The following DMTN variants were observed in gnomAD, a reference collection of about 807,000 sequenced individuals.
The protein encoded by DMTN is dematin actin binding protein.
Under a neutral mutation model 59.4 loss-of-function variants are expected in DMTN, and 27 were observed. The observed-to-expected ratio is 0.45, with a 90% CI of 0.33 to 0.63. The LOEUF is 0.63. Among genes scored for constraint, DMTN ranks in the 20% least tolerant of loss-of-function variants. The pLI, the probability that DMTN is intolerant of heterozygous loss-of-function variation, is 0.02. For synonymous variants in DMTN, 221 were observed against 203.7 expected (o/e 1.08, Z -0.72); for missense variants, 451 against 528.9 (o/e 0.85, Z 1.45).
rs778177714 is a variant in DMTN at position 22,067,143 on chromosome 8, C to T, written c.77C>T (p.Ser26Phe). 29 of 1,608,834 alleles carry T rather than the reference C, an allele frequency of 1.8e-5. No individual in the cohort carries two copies. The highest frequency in any genetic ancestry group is 2.3e-5 in the Non-Finnish European group (27 of 1,177,940). Reference sequence around the variant, plus strand: ...TCCCGAGATTCCAGTGTGCCTGGCTCTCCCTCCAGCATCGTGGTGAGTACC... The same window carrying T: ...TCCCGAGATTCCAGTGTGCCTGGCTTTCCCTCCAGCATCGTGGTGAGTACC... ...SPSRDSSVPG[S>F]PSSIVAKMDN... The change falls in exon 3 of 16, where the codon TCT (serine) becomes TTT (phenylalanine). Residue 26 changes from serine (S) to phenylalanine (F), a missense_variant. Coordinates refer to ENST00000358242, the MANE Select transcript of DMTN (RefSeq NM_001387751.1).
chr8:22,066,072 G>A (rs1810408352), intron 1 of DMTN, among the ~76,000 whole-genome samples: 1 of 152,114 alleles, frequency 6.6e-6, no homozygotes, highest in Admixed American at 6.5e-5. Flanking sequence ...TCGAACGCCT[G>A]GGTTCAAGCA....
At chr8:22,069,860 C>T in intron 6 of DMTN, 21 bp from the exon 7 acceptor site, 3 of 1,613,656 alleles carry the variant, frequency 1.9e-6, no homozygotes, top group Non-Finnish European at 2.5e-6. Flanking sequence ...TCCTCCTCCT[C>T]ATCTGTTCTT....
intron 10 of DMTN, among the ~76,000 whole-genome samples, chr8:22,078,900 C>A (rs1821817104): frequency 7.1e-6 from 1 of 141,720 alleles, no homozygotes; most frequent in South Asian, 2.3e-4. Context: ...AGGTTCACGC[C>A]ATTCTCCTGC....
intron 1 of DMTN, among the ~76,000 whole-genome samples, chr8:22,057,534 G>T (rs1803348233): frequency 6.6e-6 from 1 of 152,210 alleles, no homozygotes; most frequent in Admixed American, 6.5e-5. Context: ...ATGCTCTGGG[G>T]GTTGGAGCAG....
In DMTN at chr8:22,082,229, G is replaced by A. The variant is rs769437571; in HGVS notation, c.*766G>A. 2.2e-6 allele frequency: 1 copy of A among 456,862 alleles called. No individual in the cohort carries two copies. The allele number at this position is 456,862 out of a possible 1,614,324, so 28.3% of individuals were successfully genotyped here. On this transcript the variant is annotated 3_prime_UTR_variant, in exon 16 of 16. Transcript: ENST00000358242. ...CAAGAGGCCAGGCCTGGCACATTTTGGAGTGTCCTGGCTACCAGCTCTCAC... is the reference window on the plus strand; with the variant it reads ...CAAGAGGCCAGGCCTGGCACATTTTAGAGTGTCCTGGCTACCAGCTCTCAC...
At position 22,081,670 on chromosome 8, in the gene DMTN, C is replaced by A; in HGVS notation, c.*207C>A. The stretch of plus-strand genomic sequence containing the variant: ...GGCTGGGGGCCTCCTGCTCTCGTCC[C>A]TGGCCCTCCCTGCACAGGGCAAAGC... On this transcript the variant is annotated 3_prime_UTR_variant, in exon 16 of 16. Coordinates refer to ENST00000358242, the MANE Select transcript of DMTN (RefSeq NM_001387751.1). 1.7e-6 allele frequency: 1 copy of A among 602,004 alleles called. No homozygotes were observed. Among genetic ancestry groups the A allele is most frequent in the Non-Finnish European group, 3.0e-6 (1 of 336,088 alleles). The allele number at this position is 602,004 out of a possible 1,614,324, so 37.3% of individuals were successfully genotyped here.
At position 22,056,965 on chromosome 8, in the gene DMTN, A is replaced by G. The variant is rs1430705315; in HGVS notation, c.-343A>G. On this transcript the variant is annotated 5_prime_UTR_variant, in exon 1 of 16. Coordinates refer to ENST00000358242, the MANE Select transcript of DMTN (RefSeq NM_001387751.1). ...TCGCCAGCTCCCACCCCGCCCACCCACCCTAAGCCGGCATTTTTCCTGTTA... is the reference window on the plus strand; with the variant it reads ...TCGCCAGCTCCCACCCCGCCCACCCGCCCTAAGCCGGCATTTTTCCTGTTA... 1.7e-5 allele frequency: 1 copy of G among 59,016 alleles called. No individual in the cohort carries two copies. The highest frequency in any genetic ancestry group is 3.5e-5 in the Non-Finnish European group (1 of 28,300). The allele number at this position is 59,016 out of a possible 1,614,324, so 3.7% of individuals were successfully genotyped here. A position where few individuals can be genotyped will look rare whatever the true frequency, so the allele number is the denominator to read the frequency against.
At chr8:22,077,832 A>G (rs568317066) in intron 10 of DMTN, among the ~76,000 whole-genome samples, 7 of 152,296 alleles carry the variant, frequency 4.6e-5, no homozygotes, top group African/African-American at 1.7e-4. Flanking sequence ...GCTCTGGAAC[A>G]CACGTAAGCA....
chr8:22,067,099 C>A lies in DMTN; in HGVS notation c.33C>A (p.Ser11=). Residue 11 remains serine (S), a synonymous_variant, in exon 3 of 16, where the codon TCC becomes TCA. Transcript: ENST00000358242. MERLQKQPLT[S]PGSVSPSRDS... ...GCTCTCCCCAGCAACCACTTACCTC[C>A]CCCGGGAGCGTGAGCCCCTCCCGAG... 6.2e-7 allele frequency: 1 copy of A among 1,606,924 alleles called. No individual in the cohort carries two copies.
At chr8:22,051,061 A>G (rs73223787), upstream of DMTN, among the ~76,000 whole-genome samples, 2 of 152,288 alleles carry the variant, frequency 1.3e-5, no homozygotes, top group Non-Finnish European at 2.9e-5. Context: ...ACCTGGCTTC[A>G]GCAACCCTGC....
chr8:22,075,169 A>G (rs1403792131), intron 10 of DMTN, among the ~76,000 whole-genome samples: 3 of 137,188 alleles, frequency 2.2e-5, no homozygotes, highest in Non-Finnish European at 3.2e-5. Context: ...CCTAGGGAAC[A>G]GCGTGAGACT....
At chr8:22,052,039 G>A (rs572801025), upstream of DMTN, among the ~76,000 whole-genome samples, 4 of 152,242 alleles carry the variant, frequency 2.6e-5, no homozygotes, top group East Asian at 1.9e-4. Context: ...AAGGGTCCCC[G>A]CCACCTGGCG....
At chr8:22,080,527 TCTGGG>T (rs904119258) in intron 12 of DMTN, 67 bp downstream of exon 12, 44 of 1,613,586 alleles carry the variant, frequency 2.7e-5, no homozygotes, top group Non-Finnish European at 3.4e-5. Flanking sequence ...GCAGCCGGGG[TCTGGG>T]CTGTGGGCAG....
Position 22,081,222 on chromosome 8 carries a change from G to A in DMTN, c.1104+29G>A, listed in dbSNP as rs778862471. The A allele has an allele frequency of 6.8e-6, 11 of 1,612,330 alleles. No homozygotes were observed. The Admixed American group carries it at 1.7e-4, about 24-fold the overall frequency. ...GGCAAGGAAGATGCCCTGGATGGGT[G>A]CGGGGCTGTCCACGGGCACTCTCCT... On this transcript the variant is annotated intron_variant, in intron 15 of 15. Coordinates refer to ENST00000358242, the MANE Select transcript of DMTN (RefSeq NM_001387751.1).
intron 1 of DMTN, among the ~76,000 whole-genome samples, chr8:22,062,906 C>G (rs1807693450): frequency 6.6e-6 from 1 of 151,708 alleles, no homozygotes; most frequent in Non-Finnish European, 1.5e-5. Flanking sequence ...TTCCTGGCCC[C>G]TGCGAGCTGC....
chr8:22,076,103 C>A (rs1449553226), intron 10 of DMTN, among the ~76,000 whole-genome samples: 1 of 152,064 alleles, frequency 6.6e-6, no homozygotes, highest in Non-Finnish European at 1.5e-5. Context: ...CAACTTGGAA[C>A]TGAGATAATA....
At chr8:22,061,365 T>C (rs1367279461) in intron 1 of DMTN, among the ~76,000 whole-genome samples, 6 of 152,176 alleles carry the variant, frequency 3.9e-5, no homozygotes, top group African/African-American at 1.4e-4. Flanking sequence ...ACAGACGTTC[T>C]ATAAATGGCA....
intron 10 of DMTN, among the ~76,000 whole-genome samples, chr8:22,077,621 G>C (rs893334431): frequency 1.3e-5 from 2 of 152,180 alleles, no homozygotes; most frequent in Non-Finnish European, 2.9e-5. Context: ...GTTCAGCCCA[G>C]ATTAGCTCTT....
intron 10 of DMTN, among the ~76,000 whole-genome samples, chr8:22,079,277 A>AATAAATATATATATATATATAT (rs71204534): frequency 3.6e-5 from 1 of 27,680 alleles, no homozygotes; most frequent in African/African-American, 1.2e-4. Flanking sequence ...TAAATAAATA[A>AATAAATATATATATATATATAT]ATATATATAT....
Sources: allele counts gnomAD v4.1 joint callset (sites outside exome capture counted in the v4.1 genomes callset), GRCh38; gene constraint gnomAD v4.1.1; transcripts MANE v1.5; gene names NCBI Gene and HGNC (gene_info 2026-07-23, HGNC 2026-07-21).